The following OSGIN2 variants were observed in gnomAD, a reference collection of about 807,000 sequenced individuals.
OSGIN2 encodes the protein oxidative stress-induced growth inhibitor 2.
A neutral mutation model predicts 53.8 loss-of-function variants in OSGIN2; 19 were observed. The observed-to-expected ratio is 0.35, with a 90% CI of 0.25 to 0.52. OSGIN2 has a LOEUF of 0.52. Among genes scored for constraint, OSGIN2 ranks in the 20% least tolerant of loss-of-function variants. The pLI is 0.95. For missense variants in OSGIN2, 520 were observed against 662.7 expected (o/e 0.78, Z 2.36); for synonymous variants, 236 against 236.0 (o/e 1.00, Z 0.00).
intron 1 of OSGIN2, among the ~76,000 whole-genome samples, chr8:89,904,019 T>G (rs963520737): frequency 2.6e-5 from 4 of 152,238 alleles, no homozygotes; most frequent in Admixed American, 6.5e-5. Context: ...GTTTGGAACT[T>G]CTTTTGTAAC....
chr8:89,920,057 G>C (rs575465214), intron 4 of OSGIN2, among the ~76,000 whole-genome samples: 107 of 152,292 alleles, frequency 7.0e-4, no homozygotes, highest in Admixed American at 1.9e-3. Flanking sequence ...TGAAATAGTA[G>C]TGTCTTAAGG....
At chr8:89,921,207 C>A in intron 5 of OSGIN2, 36 bp downstream of exon 5, 1 of 1,237,156 alleles carries the variant, frequency 8.1e-7, no homozygotes, top group Non-Finnish European at 1.2e-6. Flanking sequence ...CTTTGGTGTA[C>A]GTTGAAAAAG....
At chr8:89,919,795 T>G (rs1809158427) in intron 4 of OSGIN2, among the ~76,000 whole-genome samples, 1 of 152,224 alleles carries the variant, frequency 6.6e-6, no homozygotes, top group Non-Finnish European at 1.5e-5. Flanking sequence ...ATTTTCCCTT[T>G]CTAATGGTAC....
intron 3 of OSGIN2, among the ~76,000 whole-genome samples, 158 bp from the exon 4 acceptor site, chr8:89,914,397 A>T (rs1242816806): frequency 6.6e-6 from 1 of 152,188 alleles, no homozygotes; most frequent in African/African-American, 2.4e-5. Flanking sequence ...ATTAGAGCAG[A>T]GTTTTCTGAA....
chr8:89,924,306 C>A (rs1246346990), intron 5 of OSGIN2, among the ~76,000 whole-genome samples, 197 bp from the exon 6 acceptor site: 1 of 152,016 alleles, frequency 6.6e-6, no homozygotes, highest in African/African-American at 2.4e-5. Context: ...CATGGGACTT[C>A]TTCCAATTTT....
At chr8:89,924,358 T>G (rs1192696361) in intron 5 of OSGIN2, 145 bp from the exon 6 acceptor site, 5 of 488,818 alleles carry the variant, frequency 1.0e-5, no homozygotes, top group South Asian at 5.1e-5. Flanking sequence ...CTAAAAATAG[T>G]TTTTTTTTTA....
At chr8:89,907,444 G>T (rs1808863213) in intron 1 of OSGIN2, among the ~76,000 whole-genome samples, 1 of 152,108 alleles carries the variant, frequency 6.6e-6, no homozygotes, top group South Asian at 2.1e-4. Flanking sequence ...TTTGTATGTG[G>T]TATAAGGAAG....
At chr8:89,907,254 G>A (rs747186793) in intron 1 of OSGIN2, among the ~76,000 whole-genome samples, 10 of 150,886 alleles carry the variant, frequency 6.6e-5, no homozygotes, top group Non-Finnish European at 1.0e-4. Context: ...GCAGAAGCTC[G>A]TTAGTTTAAT....
At chr8:89,920,485 A>C (rs1051231531) in intron 4 of OSGIN2, among the ~76,000 whole-genome samples, 3 of 152,174 alleles carry the variant, frequency 2.0e-5, no homozygotes, top group Admixed American at 6.5e-5. Flanking sequence ...AAGTAGGTCA[A>C]GGGAGCTTGA....
At chr8:89,911,711 T>G (rs140506410) in intron 2 of OSGIN2, among the ~76,000 whole-genome samples, 7,396 of 150,016 alleles carry the variant, frequency 0.049, 315 homozygotes, top group East Asian at 0.17. Flanking sequence ...GAGGCGGGCA[T>G]ATAACAAGGT....
In OSGIN2 at chr8:89,924,700, A is replaced by C; in HGVS notation, c.818A>C (p.Asn273Thr). ...STKHLQIEKS[N>T]FIKRNWEIRG... ...AAGCATTTACAGATAGAGAAGTCAA[A>C]CTTTATCAAGAGAAACTGGGAAATT... Residue 273 changes from asparagine (N) to threonine (T), a missense_variant, in exon 6 of 6, where the codon AAC (asparagine) becomes ACC (threonine). Asn to Thr is a moderately conservative substitution (Grantham distance 65, BLOSUM62 0). Transcript: ENST00000451899. 1.2e-6 allele frequency: 2 copies of C among 1,614,066 alleles called. No individual in the cohort carries two copies. The highest frequency in any genetic ancestry group is 1.7e-6 in the Non-Finnish European group (2 of 1,179,918).
chr8:89,924,765 T>C lies in OSGIN2; in HGVS notation c.883T>C (p.Phe295Leu). The C allele has an allele frequency of 6.2e-7, 1 of 1,614,234 alleles. No individual in the cohort carries two copies. The highest frequency in any genetic ancestry group is 8.5e-7 in the Non-Finnish European group (1 of 1,180,030). ...QRIADGSHVP[F>L]CLFAENVALA... Reference sequence around the variant, plus strand: ...AATAGCTGATGGTTCTCATGTTCCCTTCTGCCTCTTTGCTGAGAATGTAGC... The same window carrying C: ...AATAGCTGATGGTTCTCATGTTCCCCTCTGCCTCTTTGCTGAGAATGTAGC... Residue 295 changes from phenylalanine to leucine, a missense_variant, in exon 6 of 6, where the codon TTC becomes CTC. Coordinates refer to ENST00000451899, the MANE Select transcript of OSGIN2 (RefSeq NM_001126111.3).
chr8:89,906,162 C>A (rs910822459), intron 1 of OSGIN2, among the ~76,000 whole-genome samples: 1 of 152,168 alleles, frequency 6.6e-6, no homozygotes, highest in African/African-American at 2.4e-5. Flanking sequence ...TTTGTTTCAT[C>A]ACGCAGGTAT....
At chr8:89,909,037 A>ATATAT (rs1386421506) in intron 1 of OSGIN2, among the ~76,000 whole-genome samples, 2 of 84,900 alleles carry the variant, frequency 2.4e-5, no homozygotes, top group African/African-American at 1.4e-4. Context: ...AAAAAAAAAA[A>ATATAT]ATATATATAT....
chr8:89,903,864 C>T (rs1037920379), intron 1 of OSGIN2, among the ~76,000 whole-genome samples: 1 of 152,120 alleles, frequency 6.6e-6, no homozygotes, highest in Non-Finnish European at 1.5e-5. Context: ...AACAGAGAAG[C>T]ACATATATAT....
intron 4 of OSGIN2, among the ~76,000 whole-genome samples, chr8:89,920,155 G>C (rs892748364): frequency 6.6e-6 from 1 of 152,082 alleles, no homozygotes; most frequent in African/African-American, 2.4e-5. Context: ...ATGATTCCAG[G>C]TTCTGAACCT....
intron 1 of OSGIN2, among the ~76,000 whole-genome samples, chr8:89,906,839 C>T (rs1808849418): frequency 6.6e-6 from 1 of 152,120 alleles, no homozygotes; most frequent in African/African-American, 2.4e-5. Context: ...ATCTTTAGGT[C>T]TTTGAGGAAT....
intron 5 of OSGIN2, chr8:89,921,410 G>A (rs1272634697): frequency 1.3e-5 from 5 of 384,010 alleles, no homozygotes; most frequent in African/African-American, 2.1e-5. Flanking sequence ...TGTTAATCAT[G>A]GGTTTATCTA....
intron 5 of OSGIN2, 90 bp downstream of exon 5, chr8:89,921,261 T>G: frequency 2.8e-6 from 2 of 721,748 alleles, no homozygotes; most frequent in African/African-American, 1.8e-5. Context: ...TTGTCATGGC[T>G]GAAGAATATA....
Sources: allele counts gnomAD v4.1 joint callset (sites outside exome capture counted in the v4.1 genomes callset), GRCh38; gene constraint gnomAD v4.1.1; transcripts MANE v1.5; gene names NCBI Gene and HGNC (gene_info 2026-07-23, HGNC 2026-07-21).